HHIP: variants seen among roughly 807,000 people sequenced by gnomAD.
HHIP encodes the protein hedgehog interacting protein.
HHIP carries 12 observed loss-of-function variants against 74.0 expected under a neutral mutation model. The ratio of observed to expected loss-of-function variants is 0.16; its 90% CI spans 0.10 to 0.26. The LOEUF (loss-of-function observed/expected upper bound fraction) is 0.26, where lower values mean the gene tolerates loss of function less well. Ranked by LOEUF, HHIP falls within the 10% of genes least tolerant of loss-of-function variation. The pLI is 1.00. For synonymous variants in HHIP, 309 were observed against 311.6 expected (o/e 0.99, Z 0.09); for missense variants, 788 against 845.0 (o/e 0.93, Z 0.84).
intron 4 of HHIP, among the ~76,000 whole-genome samples, chr4:144,703,464 C>T (rs1730046028): frequency 6.6e-6 from 1 of 152,012 alleles, no homozygotes. Context: ...GCCATAAAAC[C>T]ACACATAATG....
chr4:144,712,946 T>A (rs966029109), intron 8 of HHIP, among the ~76,000 whole-genome samples: 1 of 147,474 alleles, frequency 6.8e-6, no homozygotes, highest in Non-Finnish European at 1.5e-5. Flanking sequence ...AAGAGTAATG[T>A]GATTTGGAAA....
In HHIP at chr4:144,743,885, A is replaced by G. The variant is rs950782567; in HGVS notation, c.*5928A>G. 6.6e-6 allele frequency: 1 copy of G among 152,164 alleles called. No individual in the cohort carries two copies. The highest frequency in any genetic ancestry group is 1.5e-5 in the Non-Finnish European group (1 of 67,984). The allele number at this position is 152,164 out of a possible 1,614,324, so 9.4% of individuals were successfully genotyped here. A position where few individuals can be genotyped will look rare whatever the true frequency, so the allele number is the denominator to read the frequency against. ...TTTCCATTCACATGAACAAGTTATAATCAGGTTTGGGATAGTATGCCCAAA... is the reference window on the plus strand; with the variant it reads ...TTTCCATTCACATGAACAAGTTATAGTCAGGTTTGGGATAGTATGCCCAAA... On this transcript the variant is annotated 3_prime_UTR_variant, in exon 13 of 13. Coordinates refer to ENST00000296575, the MANE Select transcript of HHIP (RefSeq NM_022475.3).
chr4:144,703,755 C>T (rs1730053786), intron 4 of HHIP, among the ~76,000 whole-genome samples: 1 of 152,134 alleles, frequency 6.6e-6, no homozygotes, highest in East Asian at 1.9e-4. Flanking sequence ...CGTCCAGGCT[C>T]TCGGGCTAGG....
At chr4:144,680,172 CA>C (rs1480414669) in intron 4 of HHIP, among the ~76,000 whole-genome samples, 1 of 152,004 alleles carries the variant, frequency 6.6e-6, no homozygotes, top group African/African-American at 2.4e-5. Context: ...TAGTTTTGTG[CA>C]ATTATATGAC....
intron 4 of HHIP, among the ~76,000 whole-genome samples, chr4:144,692,413 C>T (rs776561520): frequency 2.0e-5 from 3 of 152,102 alleles, no homozygotes; most frequent in African/African-American, 4.8e-5. Context: ...CTCTTTTTCC[C>T]GAAGAATCAT....
rs1404182828 is a variant in HHIP, at chr4:144,659,548, G to A, written c.630-89G>A. The A allele has an allele frequency of 1.4e-5, 11 of 800,248 alleles. No homozygotes were observed. In the Admixed American group the frequency reaches 2.3e-4, roughly 17 times the overall value. 49.6% of individuals were successfully genotyped at this position (800,248 alleles called of 1,614,324 possible). A position where few individuals can be genotyped will look rare whatever the true frequency, so the allele number is the denominator to read the frequency against. On this transcript the variant is annotated intron_variant, in intron 3 of 12. Transcript: ENST00000296575. ...ATGGTTCTCAAAACCATGATTCCTAGAGGAAATAGAGTTTGAAAAGGATGC... is the reference window on the plus strand; with the variant it reads ...ATGGTTCTCAAAACCATGATTCCTAAAGGAAATAGAGTTTGAAAAGGATGC...
chr4:144,670,489 T>C (rs993211052), intron 4 of HHIP, among the ~76,000 whole-genome samples: 4 of 151,792 alleles, frequency 2.6e-5, no homozygotes, highest in African/African-American at 9.7e-5. Context: ...TATTTACTTT[T>C]AGTTTGGTGC....
intron 4 of HHIP, among the ~76,000 whole-genome samples, chr4:144,704,776 C>T (rs900510188): frequency 6.6e-6 from 1 of 152,188 alleles, no homozygotes; most frequent in East Asian, 1.9e-4. Flanking sequence ...ATCCCACCCT[C>T]GGGCCTCGTT....
intron 4 of HHIP, among the ~76,000 whole-genome samples, chr4:144,672,131 T>C (rs544056605): frequency 6.6e-6 from 1 of 152,326 alleles, no homozygotes; most frequent in African/African-American, 2.4e-5. Context: ...GATGACTCCA[T>C]GCTTGTCCAG....
rs1351911166 is a variant in HHIP, at chr4:144,714,279, G to T, written c.1478G>T (p.Gly493Val). ...FKPFSNGPLV[G>V]GFVYRGCQSE... is the part of the protein sequence containing the mutation. ...CCATTCAGTAATGGTCCTTTGGTTG[G>T]TGGATTTGTATACCGGGGCTGCCAG... Residue 493 changes from glycine to valine, a missense_variant, in exon 9 of 13, where the codon GGT becomes GTT. This residue lies in a region of HHIP where 343 missense variants were observed against 347.9 expected (regional missense o/e 0.99). Transcript: ENST00000296575. The T allele has an allele frequency of 6.2e-7, 1 of 1,613,308 alleles. No individual in the cohort carries two copies. The highest frequency in any genetic ancestry group is 1.7e-5 in the Admixed American group (1 of 59,932).
At position 144,742,688 on chromosome 4, in the gene HHIP, G is replaced by A. The variant is rs113507921; in HGVS notation, c.*4731G>A. The A allele has an allele frequency of 6.6e-6, 1 of 150,970 alleles. No individual in the cohort carries two copies. Among genetic ancestry groups the A allele is most frequent in the Non-Finnish European group, 1.5e-5 (1 of 67,780 alleles). 9.4% of individuals were successfully genotyped at this position (150,970 alleles called of 1,614,324 possible). On this transcript the variant is annotated 3_prime_UTR_variant, in exon 13 of 13. Transcript: ENST00000296575. The stretch of plus-strand genomic sequence containing the variant: ...TAAACTACTCCCAGGAAGTAAACTA[G>A]TACTGTGAATGCTGGCAATACCATC...
rs1319825997 is a variant in HHIP, at chr4:144,646,467, T to TCCC, written c.-207_-205dup. ...CACAACTTTATCTCGCTCCTCGGGC[T>TCCC]CCCCTAAGGCATTGGACCCATCGCC... On this transcript the variant is annotated 5_prime_UTR_variant, in exon 1 of 13. Transcript: ENST00000296575. 2.0e-4 allele frequency: 101 copies of TCCC among 504,780 alleles called. No homozygotes were observed. In the East Asian group the frequency reaches 2.9e-3, roughly 14 times the overall value. The allele number at this position is 504,780 out of a possible 1,614,324, so 31.3% of individuals were successfully genotyped here.
intron 11 of HHIP, among the ~76,000 whole-genome samples, chr4:144,733,054 T>C (rs1731006086): frequency 6.6e-6 from 1 of 152,176 alleles, no homozygotes. Flanking sequence ...AAATAGAATA[T>C]ACTTGGGATA....
At chr4:144,698,656 T>C (rs1213151718) in intron 4 of HHIP, among the ~76,000 whole-genome samples, 3 of 152,102 alleles carry the variant, frequency 2.0e-5, no homozygotes, top group Non-Finnish European at 4.4e-5. Flanking sequence ...AAACCAAATC[T>C]GGAAAAGTAG....
At chr4:144,678,075 A>G (rs916988575) in intron 4 of HHIP, among the ~76,000 whole-genome samples, 14 of 152,178 alleles carry the variant, frequency 9.2e-5, no homozygotes, top group Admixed American at 6.5e-4. Flanking sequence ...TAGGAAACAC[A>G]TCTATACAAC....
chr4:144,697,998 A>G (rs1578706663), intron 4 of HHIP, among the ~76,000 whole-genome samples: 3 of 152,274 alleles, frequency 2.0e-5, no homozygotes, highest in South Asian at 2.1e-4. Context: ...TCCGTGTGGA[A>G]TCTCTTTTAT....
At chr4:144,706,832 G>A in intron 5 of HHIP, 150 bp downstream of exon 5, 1 of 753,714 alleles carries the variant, frequency 1.3e-6, no homozygotes, top group Non-Finnish European at 2.1e-6. Context: ...AACTCCATAT[G>A]TGTCTTTAAG....
chr4:144,687,082 G>A (rs1171212814), intron 4 of HHIP, among the ~76,000 whole-genome samples: 1 of 152,010 alleles, frequency 6.6e-6, no homozygotes, highest in East Asian at 1.9e-4. Context: ...GTCATTCTAT[G>A]TAATTATTAT....
At chr4:144,706,448 G>C in intron 4 of HHIP, 83 bp from the exon 5 acceptor site, 6 of 1,110,772 alleles carry the variant, frequency 5.4e-6, no homozygotes, top group Non-Finnish European at 7.5e-6. Flanking sequence ...AAGAAAGAAA[G>C]AGACTCTTTT....
Sources: allele counts gnomAD v4.1 joint callset (sites outside exome capture counted in the v4.1 genomes callset), GRCh38; gene constraint gnomAD v4.1.1; regional missense constraint gnomAD v4.1.1; transcripts MANE v1.5; gene names NCBI Gene and HGNC (gene_info 2026-07-23, HGNC 2026-07-21).